Variants in PPP2R2D observed in about 807,000 individuals in gnomAD.
The protein encoded by PPP2R2D is protein phosphatase 2 regulatory subunit Bdelta.
In PPP2R2D, 9 loss-of-function variants were observed where a neutral mutation model predicts 31.1. The observed-to-expected ratio is 0.29, with a 90% CI of 0.17 to 0.51. The LOEUF is 0.51. PPP2R2D is among the 20% of genes least tolerant of loss of function. PPP2R2D has a pLI of 0.98. For missense variants in PPP2R2D, 391 were observed against 465.6 expected (o/e 0.84, Z 1.48); for synonymous variants, 179 against 172.6 (o/e 1.04, Z -0.29).
chr10:131,933,417 G>A (rs531416493), intron 2 of PPP2R2D, among the ~76,000 whole-genome samples: 6 of 152,290 alleles, frequency 3.9e-5, no homozygotes, highest in African/African-American at 1.4e-4. Flanking sequence ...TGGGCCCTGG[G>A]TGTGCCCAGG....
At chr10:131,919,547 G>A (rs2035920220) in intron 2 of PPP2R2D, among the ~76,000 whole-genome samples, 1 of 123,744 alleles carries the variant, frequency 8.1e-6, no homozygotes, top group Non-Finnish European at 1.7e-5. Context: ...TCAGGCGGGT[G>A]GAATGACACA....
chr10:131,959,931 G>T (rs2120108135), downstream of PPP2R2D: 1 of 152,372 alleles, frequency 6.6e-6, no homozygotes, highest in East Asian at 1.9e-4. Flanking sequence ...AGAGCAGAAG[G>T]TGCAGCCCAG....
At position 131,956,380 on chromosome 10, in the gene PPP2R2D, C is replaced by T. The variant is rs974455939; in HGVS notation, c.*417C>T. 16 of 986,510 alleles carry T rather than the reference C, an allele frequency of 1.6e-5. No homozygotes were observed. The highest frequency in any genetic ancestry group is 1.9e-5 in the Non-Finnish European group (16 of 830,798). The allele number at this position is 986,510 out of a possible 1,614,324, so 61.1% of individuals were successfully genotyped here. On this transcript the variant is annotated 3_prime_UTR_variant, in exon 9 of 9. Coordinates refer to ENST00000455566, the MANE Select transcript of PPP2R2D (RefSeq NM_018461.5). Reference sequence around the variant, plus strand: ...GGCCTTCACTGCAGCGTGGTGTGGCCACCGTCCGTGTCCTCTCGGCCTTCC... The same window carrying T: ...GGCCTTCACTGCAGCGTGGTGTGGCTACCGTCCGTGTCCTCTCGGCCTTCC...
intron 2 of PPP2R2D, among the ~76,000 whole-genome samples, chr10:131,921,243 G>C (rs1589934853): frequency 6.6e-6 from 1 of 152,318 alleles, no homozygotes; most frequent in South Asian, 2.1e-4. Flanking sequence ...TCTGCCACGG[G>C]GGAGAGGCCA....
intron 5 of PPP2R2D, among the ~76,000 whole-genome samples, chr10:131,943,596 G>T (rs1359796366): frequency 6.6e-6 from 1 of 152,132 alleles, no homozygotes; most frequent in Non-Finnish European, 1.5e-5. Context: ...AGGACAAAGG[G>T]AGGGGTGCAG....
chr10:131,933,038 C>G (rs2036271227), intron 2 of PPP2R2D, among the ~76,000 whole-genome samples: 1 of 152,064 alleles, frequency 6.6e-6, no homozygotes, highest in Admixed American at 6.5e-5. Flanking sequence ...CTTTTTAATC[C>G]AATACATAAT....
chr10:131,910,302 T>C (rs921681363), intron 2 of PPP2R2D, among the ~76,000 whole-genome samples: 7 of 152,224 alleles, frequency 4.6e-5, no homozygotes, highest in African/African-American at 7.2e-5. Flanking sequence ...TGTTTTTTTT[T>C]CTAAATGTTA....
chr10:131,965,051 A>G, the PPP2R2D span, among the ~76,000 whole-genome samples: 3 of 152,150 alleles, frequency 2.0e-5, no homozygotes, highest in Non-Finnish European at 4.4e-5. Flanking sequence ...TATACTATAT[A>G]TATATTTAAA....
At chr10:131,921,956 C>G (rs1451497257) in intron 2 of PPP2R2D, among the ~76,000 whole-genome samples, 3 of 152,112 alleles carry the variant, frequency 2.0e-5, no homozygotes, top group Non-Finnish European at 2.9e-5. Flanking sequence ...AGTCAGACAG[C>G]CTTTTGTTTT....
In PPP2R2D at chr10:131,959,043, T is replaced by G. The variant is rs1349817477; in HGVS notation, c.*3080T>G. On this transcript the variant is annotated 3_prime_UTR_variant, in exon 9 of 9. Coordinates refer to ENST00000455566, the MANE Select transcript of PPP2R2D (RefSeq NM_018461.5). ...CCATCCCCCTGTGGAGATGAAGGCG[T>G]GTGCTCATCCCCCATCCCCCTGTGG... 1 of 117,178 alleles carries G rather than the reference T, an allele frequency of 8.5e-6. No homozygotes were observed. Among genetic ancestry groups the G allele is most frequent in the Non-Finnish European group, 1.7e-5 (1 of 59,124 alleles). 7.3% of individuals were successfully genotyped at this position (117,178 alleles called of 1,614,324 possible). A position where few individuals can be genotyped will look rare whatever the true frequency, so the allele number is the denominator to read the frequency against.
At chr10:131,917,412 GTGTT>G (rs576679106) in intron 2 of PPP2R2D, among the ~76,000 whole-genome samples, 1,762 of 130,368 alleles carry the variant, frequency 0.014, 143 homozygotes, top group African/African-American at 0.049. Flanking sequence ...TGGAATGACA[GTGTT>G]TGTAGGGACC....
rs2036840543 is a variant in PPP2R2D at position 131,957,931 on chromosome 10, G to A, written c.*1968G>A. ...CCCGTCCCCCTGTGGAGATGAAGGT[G>A]TGTGCTGATCCCCCATCTCCCTGTG... On this transcript the variant is annotated 3_prime_UTR_variant, in exon 9 of 9. Transcript: ENST00000455566. 6.5e-6 allele frequency: 1 copy of A among 152,904 alleles called. No homozygotes were observed. Among genetic ancestry groups the A allele is most frequent in the Admixed American group, 7.1e-5 (1 of 14,178 alleles). The allele number at this position is 152,904 out of a possible 1,614,324, so 9.5% of individuals were successfully genotyped here.
chr10:131,938,279 A>G (rs2036380180), intron 3 of PPP2R2D, among the ~76,000 whole-genome samples: 1 of 152,224 alleles, frequency 6.6e-6, no homozygotes, highest in Admixed American at 6.5e-5. Flanking sequence ...TTCCTTTAGC[A>G]TATGTACTAA....
rs890620819 is a variant in PPP2R2D at position 131,904,744 on chromosome 10, G to A, written c.100+3414G>A. Among the ~76,000 whole-genome samples the A allele has an allele frequency of 2.0e-4, 30 of 152,302 alleles. 2 individuals are homozygous for A. Among genetic ancestry groups the A allele is most frequent in the Middle Eastern group, 6.8e-3 (2 of 294 alleles). ...ATGGGTAAGGAGAAGGAGCCTTAGA[G>A]ATTAAGGCCTGGGTCCTCTCCTGAC... On this transcript the variant is annotated intron_variant, in intron 2 of 8. Transcript: ENST00000455566.
downstream of PPP2R2D, among the ~76,000 whole-genome samples, chr10:131,964,669 T>G (rs555042799): frequency 5.4e-5 from 8 of 147,958 alleles, no homozygotes; most frequent in South Asian, 1.3e-3. Flanking sequence ...TTACTATGTT[T>G]TTTTTTTTTT....
At chr10:131,912,214 G>C (rs1459509235) in intron 2 of PPP2R2D, 1 of 151,922 alleles carries the variant, frequency 6.6e-6, no homozygotes, top group African/African-American at 2.4e-5. Flanking sequence ...TTGGAAATAG[G>C]GTCTTACTCC....
intron 2 of PPP2R2D, among the ~76,000 whole-genome samples, chr10:131,902,742 T>C (rs1209319741): frequency 6.6e-6 from 1 of 152,216 alleles, no homozygotes; most frequent in Non-Finnish European, 1.5e-5. Flanking sequence ...CCTTAATTTC[T>C]GTTAACTCTT....
rs1208122558 is a variant in PPP2R2D, at chr10:131,959,403, G to A, written c.*3440G>A. The A allele has an allele frequency of 3.4e-5, 5 of 146,710 alleles. No individual in the cohort carries two copies. Among genetic ancestry groups the A allele is most frequent in the African/African-American group, 1.3e-4 (5 of 38,676 alleles). 9.1% of individuals were successfully genotyped at this position (146,710 alleles called of 1,614,324 possible). ...TGCTGATCCGCCATCCCACTGTGGA[G>A]ATGAAGGTGTGTGCTGATCCCCCAT... On this transcript the variant is annotated 3_prime_UTR_variant, in exon 9 of 9. Coordinates refer to ENST00000455566, the MANE Select transcript of PPP2R2D (RefSeq NM_018461.5).
intron 2 of PPP2R2D, among the ~76,000 whole-genome samples, chr10:131,902,953 T>G (rs989965810): frequency 1.2e-4 from 19 of 152,096 alleles, no homozygotes; most frequent in African/African-American, 4.6e-4. Context: ...GATTTCGCCA[T>G]GTTGCCCAGG....
Sources: allele counts gnomAD v4.1 joint callset (sites outside exome capture counted in the v4.1 genomes callset), GRCh38; gene constraint gnomAD v4.1.1; transcripts MANE v1.5; gene names NCBI Gene and HGNC (gene_info 2026-07-23, HGNC 2026-07-21).